The following ARHGAP21 variants were observed in gnomAD, a reference collection of about 807,000 sequenced individuals.
ARHGAP21 encodes the protein Rho GTPase activating protein 21, also known as rho GTPase-activating protein 21.
Under a neutral mutation model 164.6 loss-of-function variants are expected in ARHGAP21, and 38 were observed. The ratio of observed to expected loss-of-function variants is 0.23; its 90% CI spans 0.18 to 0.30. The LOEUF (loss-of-function observed/expected upper bound fraction) is 0.30. Ranked by LOEUF, ARHGAP21 falls within the 10% of genes least tolerant of loss-of-function variation. ARHGAP21 has a pLI of 1.00. For missense variants in ARHGAP21, 1,822 were observed against 2,370.7 expected (o/e 0.77, Z 4.81); for synonymous variants, 766 against 857.9 (o/e 0.89, Z 1.87).
At chr10:24,635,239 A>C in intron 4 of ARHGAP21, 136 bp from the exon 5 acceptor site, 1 of 538,076 alleles carries the variant, frequency 1.9e-6, no homozygotes, top group Non-Finnish European at 3.1e-6. Context: ...TTTGGATGCT[A>C]AAATTATAAT....
intron 4 of ARHGAP21, among the ~76,000 whole-genome samples, chr10:24,665,472 A>G (rs907693384): frequency 4.6e-5 from 7 of 152,248 alleles, no homozygotes; most frequent in African/African-American, 1.4e-4. Flanking sequence ...CATATAATAC[A>G]GTGAAGGTCA....
Position 24,696,784 on chromosome 10 carries a change from T to C in ARHGAP21, c.63+25053A>G, listed in dbSNP as rs192726112. 7.9e-5 allele frequency among the ~76,000 whole-genome samples: 12 copies of C among 152,312 alleles called. No homozygotes were observed. In the East Asian group the frequency reaches 1.9e-3, roughly 25 times the overall value. On this transcript the variant is annotated intron_variant, in intron 2 of 25. Transcript: ENST00000396432. ...GAATCGGGCCTGCTAAACACGTCTATGTGCTATGTGTTACATCAGAAAACC... is the reference window on the plus strand; with the variant it reads ...GAATCGGGCCTGCTAAACACGTCTACGTGCTATGTGTTACATCAGAAAACC...
intron 3 of ARHGAP21, among the ~76,000 whole-genome samples, chr10:24,668,525 G>T (rs1840406182): frequency 6.6e-6 from 1 of 152,202 alleles, no homozygotes. Context: ...GAGCTGCCGG[G>T]ATAGGCTCCA....
At chr10:24,591,380 CTTTAAAA>C in intron 23 of ARHGAP21, 50 bp from the exon 24 acceptor site, 2 of 1,486,122 alleles carry the variant, frequency 1.3e-6, no homozygotes, top group Non-Finnish European at 1.9e-6. Flanking sequence ...AAGATACTTT[CTTTAAAA>C]TTTAAACAAC....
At chr10:24,634,723 T>C (rs1836197204) in intron 5 of ARHGAP21, among the ~76,000 whole-genome samples, 2 of 152,228 alleles carry the variant, frequency 1.3e-5, no homozygotes, top group Non-Finnish European at 2.9e-5. Flanking sequence ...TTTGTCAAAA[T>C]TCAATGCATG....
intron 4 of ARHGAP21, among the ~76,000 whole-genome samples, chr10:24,638,132 T>C (rs1836582267): frequency 1.3e-5 from 2 of 152,270 alleles, no homozygotes; most frequent in African/African-American, 4.8e-5. Flanking sequence ...CCCAAAGTGC[T>C]GGGATTACAG....
intron 3 of ARHGAP21, among the ~76,000 whole-genome samples, chr10:24,668,405 G>C (rs1490071360): frequency 1.3e-5 from 2 of 152,158 alleles, no homozygotes; most frequent in African/African-American, 4.8e-5. Context: ...CGATTCACAG[G>C]TGTGCCCACA....
chr10:24,681,410 G>C (rs1841741072), intron 2 of ARHGAP21, among the ~76,000 whole-genome samples: 1 of 152,198 alleles, frequency 6.6e-6, no homozygotes, highest in South Asian at 2.1e-4. Context: ...AAAAGTAAAT[G>C]CAAGGGAATT....
chr10:24,634,186 ATATACATAT>A (rs1836145428), intron 5 of ARHGAP21, among the ~76,000 whole-genome samples: 1 of 151,776 alleles, frequency 6.6e-6, no homozygotes, highest in African/African-American at 2.4e-5. Flanking sequence ...ATGCATACTA[ATATACATAT>A]TATACATATT....
At chr10:24,592,256 T>C (rs1429979245) in intron 21 of ARHGAP21, among the ~76,000 whole-genome samples, 1 of 148,856 alleles carries the variant, frequency 6.7e-6, no homozygotes, top group Non-Finnish European at 1.5e-5. Context: ...CTCGATAGAA[T>C]CTTATTATGT....
At chr10:24,710,783 G>A (rs1474707013) in intron 2 of ARHGAP21, among the ~76,000 whole-genome samples, 2 of 152,164 alleles carry the variant, frequency 1.3e-5, no homozygotes, top group Admixed American at 1.3e-4. Flanking sequence ...CAAAACACAA[G>A]TTGCTTCCTT....
chr10:24,719,910 C>T (rs538745131), intron 2 of ARHGAP21, among the ~76,000 whole-genome samples: 5 of 152,310 alleles, frequency 3.3e-5, no homozygotes, highest in East Asian at 1.9e-4. Flanking sequence ...TTTCTGACAA[C>T]ATATATCCCC....
intron 4 of ARHGAP21, among the ~76,000 whole-genome samples, chr10:24,660,189 A>G (rs1403322376): frequency 6.6e-6 from 1 of 152,048 alleles, no homozygotes; most frequent in Non-Finnish European, 1.5e-5. Flanking sequence ...TTCCCTAACT[A>G]TCAGAGAAAC....
In ARHGAP21 at chr10:24,670,397, C is replaced by T; in HGVS notation, c.64G>A (p.Val22Ile). The T allele has an allele frequency of 1.3e-6, 2 of 1,572,682 alleles. No homozygotes were observed. The highest frequency in any genetic ancestry group is 8.6e-7 in the Non-Finnish European group (1 of 1,157,698). ...TCTTTTCCATCTTTATTTTTTGAGA[C>T]CTAAAGTGAAAAGATATTTAAAAGT... ...GDGDKLKACE[V>I]SKNKDGKEQS... The change falls in exon 3 of 26, where the codon GTC (valine) becomes ATC (isoleucine). Residue 22 changes from valine to isoleucine, a missense_variant and splice_region_variant. Coordinates refer to ENST00000396432, the MANE Select transcript of ARHGAP21 (RefSeq NM_020824.4).
At chr10:24,689,368 T>TA (rs759687478) in intron 2 of ARHGAP21, among the ~76,000 whole-genome samples, 5 of 152,174 alleles carry the variant, frequency 3.3e-5, no homozygotes, top group Non-Finnish European at 7.3e-5. Flanking sequence ...TAATTTAACT[T>TA]ACCTGTCATT....
Position 24,622,861 on chromosome 10 carries a change from T to C in ARHGAP21, c.496-99A>G, listed in dbSNP as rs943422012. 5.9e-6 allele frequency: 7 copies of C among 1,189,388 alleles called. No homozygotes were observed. In the African/African-American group the frequency reaches 6.2e-5, roughly 11 times the overall value. 73.7% of individuals were successfully genotyped at this position (1,189,388 alleles called of 1,614,324 possible). A position where few individuals can be genotyped will look rare whatever the true frequency, so the allele number is the denominator to read the frequency against. On this transcript the variant is annotated intron_variant, in intron 7 of 25. Transcript: ENST00000396432. ...CTGGAAACGGCAAGCTAAAAATACATCTATACTTGTTTCTCTGGAAGGTAC... is the reference window on the plus strand; with the variant it reads ...CTGGAAACGGCAAGCTAAAAATACACCTATACTTGTTTCTCTGGAAGGTAC...
rs1221025799 is a variant in ARHGAP21 at position 24,655,097 on chromosome 10, T to C, written c.268+11888A>G. On this transcript the variant is annotated intron_variant, in intron 4 of 25. Transcript: ENST00000396432. The stretch of plus-strand genomic sequence containing the variant: ...GAAAGCTGAAACTGGATCCCTTCCT[T>C]ACACCTTATACAAAAATTAATTCAA... 4.6e-5 allele frequency among the ~76,000 whole-genome samples: 7 copies of C among 152,320 alleles called. No individual in the cohort carries two copies. The East Asian group carries it at 1.4e-3, about 29-fold the overall frequency.
chr10:24,624,469 A>G (rs182717191), intron 7 of ARHGAP21, among the ~76,000 whole-genome samples: 25 of 150,064 alleles, frequency 1.7e-4, no homozygotes, highest in African/African-American at 6.1e-4. Context: ...CCTCCTGAGT[A>G]GCTGGGATTA....
At chr10:24,628,058 A>T (rs1835312729) in intron 7 of ARHGAP21, among the ~76,000 whole-genome samples, 1 of 152,200 alleles carries the variant, frequency 6.6e-6, no homozygotes, top group Non-Finnish European at 1.5e-5. Context: ...GCTACCATAT[A>T]CACCATCTTC....
Sources: gnomAD v4.1 joint callset for allele counts (sites outside exome capture counted in the v4.1 genomes callset) on GRCh38, gnomAD v4.1.1 for gene constraint, MANE v1.5 for transcripts, NCBI Gene and HGNC (gene_info 2026-07-23, HGNC 2026-07-21) for gene names.